The following KIF21B variants were observed in gnomAD, a reference collection of about 807,000 sequenced individuals.
The protein encoded by KIF21B is kinesin-like protein KIF21B.
Under a neutral mutation model 192.9 loss-of-function variants are expected in KIF21B, and 85 were observed. The ratio of observed to expected loss-of-function variants is 0.44; its 90% CI spans 0.37 to 0.53. The LOEUF (loss-of-function observed/expected upper bound fraction) is 0.53, where lower values mean the gene tolerates loss of function less well. Among genes scored for constraint, KIF21B ranks in the 20% least tolerant of loss-of-function variants. The pLI is 0.00. For synonymous variants in KIF21B, 832 were observed against 884.6 expected, an observed-to-expected ratio of 0.94 and a Z score of 1.05; for missense variants, 1,716 against 2,194.8, an observed-to-expected ratio of 0.78 and a Z score of 4.36.
At chr1:201,008,223 G>T (rs754494048) in intron 3 of KIF21B, among the ~76,000 whole-genome samples, 1 of 152,192 alleles carries the variant, frequency 6.6e-6, no homozygotes. Flanking sequence ...CACAGTCTGG[G>T]CCTGATATTC....
At chr1:201,010,538 A>AC (rs1204311627) in intron 1 of KIF21B, among the ~76,000 whole-genome samples, 2 of 151,824 alleles carry the variant, frequency 1.3e-5, no homozygotes, top group African/African-American at 4.8e-5. Context: ...GGAAAGCACC[A>AC]CCCCCACCCC....
At chr1:200,976,080 C>G (rs192326354) in intron 32 of KIF21B, among the ~76,000 whole-genome samples, 8 of 152,086 alleles carry the variant, frequency 5.3e-5, no homozygotes, top group Admixed American at 3.9e-4. Context: ...CCCTGAAAAC[C>G]CTACTTCTTT....
rs376622263 is a variant in KIF21B at position 200,988,366 on chromosome 1, C to T, written c.3351-13G>A. On this transcript the variant is annotated splice_polypyrimidine_tract_variant and intron_variant, in intron 23 of 34. Transcript: ENST00000461742. ...TGACTGGGAGAAGCTGAGGAAGAAG[C>T]AGAGAGAGTTCAGGATCCTGAGGAG... The T allele has an allele frequency of 1.8e-5, 29 of 1,613,982 alleles. No individual in the cohort carries two copies. The highest frequency in any genetic ancestry group is 1.6e-4 in the Middle Eastern group (1 of 6,080).
chr1:201,005,774 C>A lies in KIF21B; in HGVS notation c.448-80G>T, dbSNP rs1216587679. On this transcript the variant is annotated intron_variant, in intron 3 of 34. Coordinates refer to ENST00000461742, the MANE Select transcript of KIF21B (RefSeq NM_001252102.2). ...GCTGCCACATGCCTATAAACCATAT[C>A]TGTTTTACAGATGTGGAAACTGAGG... The A allele has an allele frequency of 5.6e-6, 8 of 1,434,274 alleles. No individual in the cohort carries two copies. The African/African-American group carries it at 1.1e-4, about 20-fold the overall frequency. The allele number at this position is 1,434,274 out of a possible 1,614,324, so 88.8% of individuals were successfully genotyped here.
At chr1:200,995,198 A>C (rs2102422505) in intron 15 of KIF21B, among the ~76,000 whole-genome samples, 1 of 152,310 alleles carries the variant, frequency 6.6e-6, no homozygotes, top group South Asian at 2.1e-4. Context: ...GGCTGTGAGC[A>C]TGTAGCTACC....
In KIF21B at chr1:201,005,551, C is replaced by T. The variant is rs1248863233; in HGVS notation, c.591G>A (p.Gln197=). The change falls in exon 4 of 35, where the codon CAG becomes CAA. Residue 197 remains glutamine, a synonymous_variant. Transcript: ENST00000461742. ...TGVTSRLIHS[Q]EELIQCLKQG... is the part of the protein sequence containing the mutation. ...ACCTCCAGCAGAGGCTCACCTCCTC[C>T]TGGGAGTGGATGAGGCGAGAAGTGA... 2 of 1,613,108 alleles carry T rather than the reference C, an allele frequency of 1.2e-6. No homozygotes were observed. The highest frequency in any genetic ancestry group is 1.1e-5 in the South Asian group (1 of 90,986).
At chr1:200,992,742 T>C (rs1656788719) in intron 15 of KIF21B, among the ~76,000 whole-genome samples, 1 of 152,206 alleles carries the variant, frequency 6.6e-6, no homozygotes, top group Non-Finnish European at 1.5e-5. Context: ...CAGTCTGGGT[T>C]GCTGGAGGCA....
intron 15 of KIF21B, among the ~76,000 whole-genome samples, chr1:200,995,876 C>A (rs1255016831): frequency 6.6e-6 from 1 of 152,122 alleles, no homozygotes; most frequent in Non-Finnish European, 1.5e-5. Flanking sequence ...AGACCCGAAG[C>A]GAGTATGCTG....
chr1:200,987,273 T>C lies in KIF21B; in HGVS notation c.3409-72A>G, dbSNP rs542953448. Reference sequence around the variant, plus strand: ...CACATAAAGGGGAGCCAGGGGAAATTCTATTTTTTTTTTTTTGAGACAGTG... The same window carrying C: ...CACATAAAGGGGAGCCAGGGGAAATCCTATTTTTTTTTTTTTGAGACAGTG... On this transcript the variant is annotated intron_variant, in intron 24 of 34. Transcript: ENST00000461742. The C allele has an allele frequency of 3.7e-3, 5,283 of 1,419,868 alleles. 28 individuals carry two copies. Among genetic ancestry groups the C allele is most frequent in the Non-Finnish European group, 3.6e-3 (3,738 of 1,047,700 alleles). 88.0% of individuals were successfully genotyped at this position (1,419,868 alleles called of 1,614,324 possible).
chr1:201,015,453 G>T (rs1658448931), intron 1 of KIF21B, among the ~76,000 whole-genome samples: 1 of 152,226 alleles, frequency 6.6e-6, no homozygotes, highest in South Asian at 2.1e-4. Flanking sequence ...TGCCTTTCTG[G>T]AATCTTGAAA....
chr1:201,021,178 A>G (rs555393460), intron 1 of KIF21B, among the ~76,000 whole-genome samples: 1 of 152,316 alleles, frequency 6.6e-6, no homozygotes, highest in South Asian at 2.1e-4. Context: ...ACAGCCCATC[A>G]CTGGTACCAT....
chr1:200,983,429 C>T (rs1656082998), intron 27 of KIF21B, among the ~76,000 whole-genome samples: 1 of 152,274 alleles, frequency 6.6e-6, no homozygotes, highest in Admixed American at 6.5e-5. Context: ...TCTCTGGCTG[C>T]CCCATCGCAC....
At chr1:200,985,214 G>A (rs531783944) in intron 26 of KIF21B, among the ~76,000 whole-genome samples, 29 of 152,200 alleles carry the variant, frequency 1.9e-4, no homozygotes, top group Non-Finnish European at 4.0e-4. Flanking sequence ...GTGGCCAGGT[G>A]CAGTGGCTCA....
In KIF21B at chr1:200,979,556, G is replaced by A. The variant is rs936730509; in HGVS notation, c.4139C>T (p.Ala1380Val). The A allele has an allele frequency of 2.0e-5, 32 of 1,564,552 alleles. No homozygotes were observed. The highest frequency in any genetic ancestry group is 2.8e-5 in the African/African-American group (2 of 72,562). ...TCACGTGAGAGTCCGAATGCACTTG[G>A]CTGAGTCCCGGATGTCCCACACCTT... is the stretch of plus-strand genomic sequence containing the variant. The part of the protein sequence containing the change: ...YIKVWDIRDS[A>V]KCIRTLTSSG... Residue 1380 changes from alanine (A) to valine (V), a missense_variant, in exon 30 of 35, where the codon GCC (alanine) becomes GTC (valine). Ala to Val is a moderately conservative substitution (Grantham distance 64, BLOSUM62 0). Coordinates refer to ENST00000461742, the MANE Select transcript of KIF21B (RefSeq NM_001252102.2).
intron 16 of KIF21B, 72 bp downstream of exon 16, chr1:200,992,210 C>A: frequency 7.1e-7 from 1 of 1,400,974 alleles, no homozygotes; most frequent in Non-Finnish European, 1.0e-6. Context: ...TCAGGAGGGG[C>A]AGCCAGGTGC....
chr1:200,977,009 G>T, intron 31 of KIF21B, 116 bp from the exon 32 acceptor site: 2 of 970,020 alleles, frequency 2.1e-6, no homozygotes, highest in Non-Finnish European at 1.5e-6. Context: ...CTCCCCTCTC[G>T]CTCAAGGCAA....
chr1:200,991,854 G>C, intron 16 of KIF21B, 129 bp from the exon 17 acceptor site: 1 of 936,708 alleles, frequency 1.1e-6, no homozygotes, highest in South Asian at 1.6e-5. Flanking sequence ...CCAAACTCTT[G>C]ATAAAGTGGG....
chr1:200,988,842 A>G lies in KIF21B; in HGVS notation c.3222T>C (p.His1074=). 1 of 1,613,102 alleles carries G rather than the reference A, an allele frequency of 6.2e-7. No individual in the cohort carries two copies. The highest frequency in any genetic ancestry group is 8.5e-7 in the Non-Finnish European group (1 of 1,179,654). ...QTDMAGSSQN[H]LLLDALREKA... Reference sequence around the variant, plus strand: ...TCTCACGCAGGGCGTCCAGGAGCAGATGGTTCTGGGAGGAGCCTGCCATAT... The same window carrying G: ...TCTCACGCAGGGCGTCCAGGAGCAGGTGGTTCTGGGAGGAGCCTGCCATAT... The change falls in exon 22 of 35, where the codon CAT becomes CAC. Residue 1074 remains histidine, a synonymous_variant. Coordinates refer to ENST00000461742, the MANE Select transcript of KIF21B (RefSeq NM_001252102.2).
chr1:200,975,478 TC>T lies in KIF21B; in HGVS notation c.4614+20del. The stretch of plus-strand genomic sequence containing the variant: ...AACCACCCTACCCGAGTCTACCCTC[TC>T]CCTTTCCTCCTGACCCCACCTGGAT... On this transcript the variant is annotated intron_variant, in intron 33 of 34. Coordinates refer to ENST00000461742, the MANE Select transcript of KIF21B (RefSeq NM_001252102.2). The surrounding 1 kb of genome is among the most constrained non-coding windows in gnomAD (Gnocchi z 4.3). 1 of 1,599,130 alleles carries T rather than the reference TC, an allele frequency of 6.3e-7. No homozygotes were observed. The highest frequency in any genetic ancestry group is 8.6e-7 in the Non-Finnish European group (1 of 1,168,992).
Sources: allele counts gnomAD v4.1 joint callset (sites outside exome capture counted in the v4.1 genomes callset), GRCh38; gene constraint gnomAD v4.1.1; non-coding constraint Gnocchi (gnomAD v3.1); transcripts MANE v1.5; gene names NCBI Gene and HGNC (gene_info 2026-07-23, HGNC 2026-07-21).